MAGI2: variants seen among roughly 807,000 people sequenced by gnomAD.
MAGI2 encodes membrane-associated guanylate kinase, WW and PDZ domain-containing protein 2.
Under a neutral mutation model 133.3 loss-of-function variants are expected in MAGI2, and 35 were observed. That is an observed-to-expected ratio of 0.26 (90% CI 0.20 to 0.35). The LOEUF (loss-of-function observed/expected upper bound fraction) is 0.35, where lower values mean the gene tolerates loss of function less well. Among genes scored for constraint, MAGI2 ranks in the 10% least tolerant of loss-of-function variants. The probability of loss-of-function intolerance (pLI) is 1.00; values close to 1 mark genes in which losing one functional copy is unlikely to be tolerated. For synonymous variants in MAGI2, 729 were observed against 710.6 expected, an observed-to-expected ratio of 1.03 and a Z score of -0.41; for missense variants, 1,636 against 1,863.4, an observed-to-expected ratio of 0.88 and a Z score of 2.25.
chr7:79,360,119 C>T (rs73157824), intron 1 of MAGI2, among the ~76,000 whole-genome samples: 39 of 152,092 alleles, frequency 2.6e-4, no homozygotes, highest in African/African-American at 8.9e-4. Context: ...ACAAGGTATT[C>T]TACATTTTCT....
At chr7:78,449,714 C>CT (rs2151480069) in intron 6 of MAGI2, among the ~76,000 whole-genome samples, 1 of 152,120 alleles carries the variant, frequency 6.6e-6, no homozygotes, top group East Asian at 1.9e-4. Context: ...ACTATACTTC[C>CT]TAATACTTCA....
chr7:78,835,581 AT>A (rs1314785655), intron 2 of MAGI2, among the ~76,000 whole-genome samples: 3 of 152,200 alleles, frequency 2.0e-5, no homozygotes, highest in Non-Finnish European at 4.4e-5. Context: ...CTCCAAAACC[AT>A]AAATGTGTAA....
intron 1 of MAGI2, among the ~76,000 whole-genome samples, chr7:79,227,818 T>A (rs760761476): frequency 1.3e-5 from 2 of 152,210 alleles, no homozygotes; most frequent in Non-Finnish European, 2.9e-5. Context: ...AACTCAAGAC[T>A]CTACAGGCTG....
chr7:78,550,861 T>C lies in MAGI2; in HGVS notation c.539-29216A>G, dbSNP rs1431299964. 2.6e-5 allele frequency among the ~76,000 whole-genome samples: 4 copies of C among 152,116 alleles called. No homozygotes were observed. In the East Asian group the frequency reaches 7.7e-4, roughly 29 times the overall value. ...AGTTAATGGTTTAGTTTTAGGAATA[T>C]GTACACTGCACATTGGAATTATACA... is the stretch of plus-strand genomic sequence containing the variant. On this transcript the variant is annotated intron_variant, in intron 3 of 21. Transcript: ENST00000354212.
intron 1 of MAGI2, among the ~76,000 whole-genome samples, chr7:79,322,625 A>T (rs1839275359): frequency 6.6e-6 from 1 of 151,998 alleles, no homozygotes; most frequent in Non-Finnish European, 1.5e-5. Flanking sequence ...TCTCTACTAA[A>T]AATACAAAAA....
At chr7:78,157,522 C>T (rs1469565348) in intron 16 of MAGI2, among the ~76,000 whole-genome samples, 1 of 148,816 alleles carries the variant, frequency 6.7e-6, no homozygotes, top group East Asian at 2.0e-4. Context: ...TGTACACATA[C>T]ATACACACAC....
At chr7:79,171,770 A>ATATATATTTTTTT in intron 1 of MAGI2, among the ~76,000 whole-genome samples, 11 of 31,208 alleles carry the variant, frequency 3.5e-4, no homozygotes, top group Admixed American at 8.0e-4. Context: ...ATATATATAT[A>ATATATATTTTTTT]TTTTTTTTTT....
intron 2 of MAGI2, among the ~76,000 whole-genome samples, chr7:78,710,731 T>C (rs1425623063): frequency 6.6e-6 from 1 of 152,100 alleles, no homozygotes; most frequent in Non-Finnish European, 1.5e-5. Context: ...ATGCAGTTCT[T>C]GAAAGTCAAA....
chr7:78,413,696 G>C (rs1164229329), intron 6 of MAGI2, among the ~76,000 whole-genome samples: 1 of 151,880 alleles, frequency 6.6e-6, no homozygotes, highest in East Asian at 1.9e-4. Flanking sequence ...GAAGATGAGA[G>C]GTAGGAAAAA....
chr7:78,355,034 T>C (rs769121856), intron 7 of MAGI2, among the ~76,000 whole-genome samples: 24 of 152,136 alleles, frequency 1.6e-4, no homozygotes, highest in Non-Finnish European at 3.1e-4. Context: ...TTTTAATAGA[T>C]TGGTTTATTG....
chr7:78,070,108 C>T (rs972997324), intron 21 of MAGI2, among the ~76,000 whole-genome samples: 1 of 76,862 alleles, frequency 1.3e-5, no homozygotes, highest in African/African-American at 5.6e-5. Context: ...CACACACATA[C>T]ACACACACAC....
At chr7:79,430,214 G>A (rs10261468) in intron 1 of MAGI2, among the ~76,000 whole-genome samples, 97,913 of 151,862 alleles carry the variant, frequency 0.64, 31,945 homozygotes, top group Middle Eastern at 0.73. Flanking sequence ...TCAATCTCCT[G>A]TATTTAGTTA....
At chr7:78,883,550 C>T (rs1584270805) in intron 2 of MAGI2, among the ~76,000 whole-genome samples, 1 of 152,022 alleles carries the variant, frequency 6.6e-6, no homozygotes, top group African/African-American at 2.4e-5. Context: ...CAAAAAAGAG[C>T]CCAAATAGTC....
chr7:78,436,166 A>G (rs1301544528), intron 6 of MAGI2, among the ~76,000 whole-genome samples: 2 of 152,154 alleles, frequency 1.3e-5, no homozygotes, highest in African/African-American at 4.8e-5. Context: ...AAGGGGCTGC[A>G]TTTGCTTAAT....
At chr7:78,522,200 A>C (rs1796565744) in intron 3 of MAGI2, among the ~76,000 whole-genome samples, 1 of 152,056 alleles carries the variant, frequency 6.6e-6, no homozygotes, top group Non-Finnish European at 1.5e-5. Context: ...CTGCTGCTCT[A>C]TTCACTCTTC....
At chr7:79,218,382 C>T (rs1317272019) in intron 1 of MAGI2, among the ~76,000 whole-genome samples, 1 of 152,074 alleles carries the variant, frequency 6.6e-6, no homozygotes, top group Non-Finnish European at 1.5e-5. Context: ...GTTTTAGAGA[C>T]AGACGCCGTC....
chr7:78,085,550 C>CACACACACACACA (rs1554441619), intron 20 of MAGI2, among the ~76,000 whole-genome samples: 43 of 121,038 alleles, frequency 3.6e-4, no homozygotes, highest in African/African-American at 1.4e-3. Context: ...AATAAAACTC[C>CACACACACACACA]CACACACACA....
rs753413294 is a variant in MAGI2 at position 78,079,122 on chromosome 7, G to T, written c.3568-37C>A. ...AGAAAAATTAAGTCAGCCAAAGATG[G>T]TTTTACTCAAGTTGCATTGTCAACA... is the stretch of plus-strand genomic sequence containing the variant. On this transcript the variant is annotated intron_variant, in intron 20 of 21. Coordinates refer to ENST00000354212, the MANE Select transcript of MAGI2 (RefSeq NM_012301.4). 1.4e-5 allele frequency: 23 copies of T among 1,601,108 alleles called. 1 individual carries two copies. In the South Asian group the frequency reaches 2.2e-4, roughly 16 times the overall value.
chr7:79,006,864 T>G, intron 2 of MAGI2: 2 of 407,858 alleles, frequency 4.9e-6, no homozygotes, highest in South Asian at 6.8e-5. Flanking sequence ...AAGTTAGATT[T>G]TATAGCTTGA....
Sources: allele counts gnomAD v4.1 joint callset (sites outside exome capture counted in the v4.1 genomes callset), GRCh38; gene constraint gnomAD v4.1.1; transcripts MANE v1.5; gene names NCBI Gene and HGNC (gene_info 2026-07-23, HGNC 2026-07-21).